PIGX: variants seen among roughly 807,000 people sequenced by gnomAD.
PIGX encodes GPI alpha-1,4-mannosyltransferase I, stabilizing subunit.
PIGX carries 24 observed loss-of-function variants against 28.7 expected under a neutral mutation model. The observed-to-expected ratio is 0.84, with a 90% CI of 0.60 to 1.17. The LOEUF is 1.17. PIGX is among the 50% of genes most tolerant of loss of function. The pLI, the probability that PIGX is intolerant of heterozygous loss-of-function variation, is 0.00. For synonymous variants in PIGX, 127 were observed against 121.0 expected, an observed-to-expected ratio of 1.05 and a Z score of -0.33; for missense variants, 305 against 317.8, an observed-to-expected ratio of 0.96 and a Z score of 0.31.
Position 196,734,546 on chromosome 3 carries a change from G to A in PIGX, c.*644G>A, listed in dbSNP as rs1712935385. On this transcript the variant is annotated 3_prime_UTR_variant, in exon 6 of 6. Transcript: ENST00000392391. Reference sequence around the variant, plus strand: ...CCACTGCACTACAGCCTGGGCGACAGAACGAGACCCTGTCTCCAAAGGAAA... The same window carrying A: ...CCACTGCACTACAGCCTGGGCGACAAAACGAGACCCTGTCTCCAAAGGAAA... 6.6e-6 allele frequency: 1 copy of A among 152,056 alleles called. No individual in the cohort carries two copies. Among genetic ancestry groups the A allele is most frequent in the Admixed American group, 6.6e-5 (1 of 15,256 alleles). The allele number at this position is 152,056 out of a possible 1,614,324, so 9.4% of individuals were successfully genotyped here.
chr3:196,724,865 A>G (rs553962079), intron 3 of PIGX, among the ~76,000 whole-genome samples: 64 of 152,318 alleles, frequency 4.2e-4, no homozygotes, highest in African/African-American at 1.5e-3. Flanking sequence ...ATTTATATGT[A>G]GGGACTGATT....
At chr3:196,714,720 A>T (rs1289318726) in intron 1 of PIGX, among the ~76,000 whole-genome samples, 4 of 152,150 alleles carry the variant, frequency 2.6e-5, no homozygotes. Context: ...TCCCCCTCCC[A>T]AAGTGCTGGG....
intron 1 of PIGX, among the ~76,000 whole-genome samples, chr3:196,714,039 C>A (rs1388053685): frequency 6.6e-6 from 1 of 152,158 alleles, no homozygotes; most frequent in Non-Finnish European, 1.5e-5. Flanking sequence ...TCCCAATGAT[C>A]AACTGCTGTC....
chr3:196,712,489 A>T lies in PIGX; in HGVS notation c.-44A>T. On this transcript the variant is annotated 5_prime_UTR_variant, in exon 1 of 6. Coordinates refer to ENST00000392391, the MANE Select transcript of PIGX (RefSeq NM_017861.4). ...CGGCCAGGCCCCTTCCTGCGTCCGC[A>T]CCTGGCCCCGCGCGCCCCTCTCGGG... 3.1e-6 allele frequency: 3 copies of T among 980,564 alleles called. No homozygotes were observed. The highest frequency in any genetic ancestry group is 3.8e-6 in the Non-Finnish European group (3 of 781,124). 60.7% of individuals were successfully genotyped at this position (980,564 alleles called of 1,614,324 possible). A position where few individuals can be genotyped will look rare whatever the true frequency, so the allele number is the denominator to read the frequency against.
At chr3:196,713,167 C>A in intron 1 of PIGX, 1 of 842,062 alleles carries the variant, frequency 1.2e-6, no homozygotes, top group Non-Finnish European at 1.4e-6. Flanking sequence ...ACAAGTTTCT[C>A]CATCTGTAAA....
intron 5 of PIGX, among the ~76,000 whole-genome samples, chr3:196,732,241 TATATATATATATATATTTTATTTTA>T (rs1261387437): frequency 1.4e-3 from 89 of 64,702 alleles, no homozygotes; most frequent in East Asian, 3.5e-3. Flanking sequence ...TATATATATA[TATATATATATATATATTTTATTTTA>T]TTTTATTTTT....
chr3:196,713,489 T>G (rs1711931512), intron 1 of PIGX, among the ~76,000 whole-genome samples: 1 of 151,986 alleles, frequency 6.6e-6, no homozygotes, highest in Non-Finnish European at 1.5e-5. Context: ...GTATTTTTAG[T>G]AGAGACGGGG....
chr3:196,718,081 A>AC (rs1209589037), intron 2 of PIGX: 1 of 151,864 alleles, frequency 6.6e-6, no homozygotes, highest in African/African-American at 2.4e-5. Context: ...GAGGTCGAGG[A>AC]CCCCGGATCA....
At chr3:196,718,335 A>G (rs1408945229) in intron 2 of PIGX, among the ~76,000 whole-genome samples, 1 of 151,868 alleles carries the variant, frequency 6.6e-6, no homozygotes. Flanking sequence ...AAGGGGGGGA[A>G]GGGTATAGTT....
intron 1 of PIGX, 193 bp downstream of exon 1, chr3:196,712,837 C>T (rs1011380888): frequency 1.9e-5 from 21 of 1,096,684 alleles, no homozygotes; most frequent in Non-Finnish European, 2.3e-5. Context: ...TCCCGGGTCT[C>T]CGGGAGAGTC....
chr3:196,715,477 T>C (rs867856387), intron 1 of PIGX, among the ~76,000 whole-genome samples: 28 of 152,330 alleles, frequency 1.8e-4, no homozygotes, highest in African/African-American at 5.5e-4. Flanking sequence ...TTAAAACACA[T>C]ATGAAAGCAC....
rs1712921034 is a variant in PIGX, at chr3:196,734,045, AT to A, written c.*145del. The A allele has an allele frequency of 8.3e-6, 5 of 604,508 alleles. No homozygotes were observed. The highest frequency in any genetic ancestry group is 8.7e-6 in the Non-Finnish European group (3 of 343,786). The allele number at this position is 604,508 out of a possible 1,614,324, so 37.4% of individuals were successfully genotyped here. A position where few individuals can be genotyped will look rare whatever the true frequency, so the allele number is the denominator to read the frequency against. On this transcript the variant is annotated 3_prime_UTR_variant, in exon 6 of 6. Transcript: ENST00000392391. ...TGTTTACTAGAGGAAATTTGGGATC[AT>A]TCTCAGCTAATTCCAAAATGTAGTG...
At chr3:196,728,652 C>T (rs767900844) in intron 4 of PIGX, 7 of 766,000 alleles carry the variant, frequency 9.1e-6, no homozygotes, top group Non-Finnish European at 1.4e-5. Context: ...TGGGGTTTTG[C>T]TAATTGGACT....
At chr3:196,732,931 A>G (rs1712871956) in intron 5 of PIGX, among the ~76,000 whole-genome samples, 1 of 152,220 alleles carries the variant, frequency 6.6e-6, no homozygotes, top group Non-Finnish European at 1.5e-5. Flanking sequence ...AGTCATAGTA[A>G]AGGCCACATC....
At position 196,734,206 on chromosome 3, in the gene PIGX, A is replaced by G. The variant is rs1285068271; in HGVS notation, c.*304A>G. ...GGGTAGAAAAATTATTTCTTTATGT[A>G]GTAGAGACAAATTATTCTCATTTTG... On this transcript the variant is annotated 3_prime_UTR_variant, in exon 6 of 6. Transcript: ENST00000392391. The G allele has an allele frequency of 4.1e-6, 1 of 245,424 alleles. No homozygotes were observed. Among genetic ancestry groups the G allele is most frequent in the African/African-American group, 2.3e-5 (1 of 44,274 alleles). 15.2% of individuals were successfully genotyped at this position (245,424 alleles called of 1,614,324 possible).
intron 4 of PIGX, among the ~76,000 whole-genome samples, chr3:196,729,332 C>CA (rs111948563): frequency 4.0e-5 from 6 of 148,866 alleles, no homozygotes; most frequent in East Asian, 2.0e-4. Flanking sequence ...GACTGCGTCT[C>CA]AAAAAAAAAA....
At chr3:196,732,709 C>T (rs79508516) in intron 5 of PIGX, among the ~76,000 whole-genome samples, 1 of 152,060 alleles carries the variant, frequency 6.6e-6, no homozygotes, top group Non-Finnish European at 1.5e-5. Context: ...CACTTTGTTG[C>T]AGATTGGGTT....
At position 196,730,984 on chromosome 3, in the gene PIGX, T is replaced by C; in HGVS notation, c.533-8T>C. 1 of 1,583,204 alleles carries C rather than the reference T, an allele frequency of 6.3e-7. No homozygotes were observed. Reference sequence around the variant, plus strand: ...TTTTCTGACATCATTTTCTACCACTTTTCTCAGAGTTCCCGATTTTGAAAT... The same window carrying C: ...TTTTCTGACATCATTTTCTACCACTCTTCTCAGAGTTCCCGATTTTGAAAT... On this transcript the variant is annotated splice_polypyrimidine_tract_variant and splice_region_variant and intron_variant, in intron 4 of 5. Transcript: ENST00000392391.
At chr3:196,730,131 C>T (rs1248385221) in intron 4 of PIGX, among the ~76,000 whole-genome samples, 3 of 151,040 alleles carry the variant, frequency 2.0e-5, no homozygotes, top group Non-Finnish European at 2.9e-5. Flanking sequence ...GTTTTTAATA[C>T]TACATTTGTT....
Sources: allele counts gnomAD v4.1 joint callset (sites outside exome capture counted in the v4.1 genomes callset), GRCh38; gene constraint gnomAD v4.1.1; transcripts MANE v1.5; gene names NCBI Gene and HGNC (gene_info 2026-07-23, HGNC 2026-07-21).